GATA4: variants seen among roughly 807,000 people sequenced by gnomAD.
GATA4 encodes the protein transcription factor GATA-4.
A neutral mutation model predicts 37.9 loss-of-function variants in GATA4; 7 were observed. That is an observed-to-expected ratio of 0.18 (90% CI 0.11 to 0.35). The LOEUF (loss-of-function observed/expected upper bound fraction) is 0.35, where lower values mean the gene tolerates loss of function less well. Ranked by LOEUF, GATA4 falls within the 10% of genes least tolerant of loss-of-function variation. The pLI, the probability that GATA4 is intolerant of heterozygous loss-of-function variation, is 1.00. For missense variants in GATA4, 647 were observed against 653.0 expected (o/e 0.99, Z 0.10); for synonymous variants, 372 against 292.6 (o/e 1.27, Z -2.77).
intron 1 of GATA4, chr8:11,697,824 G>A (rs1330387007): frequency 4.1e-6 from 4 of 985,360 alleles, no homozygotes; most frequent in African/African-American, 1.7e-5. Flanking sequence ...GGCCGGTGGG[G>A]CGTTCCGGCC....
chr8:11,725,253 G>A (rs1052667982), intron 2 of GATA4, among the ~76,000 whole-genome samples: 1 of 152,256 alleles, frequency 6.6e-6, no homozygotes, highest in African/African-American at 2.4e-5. Context: ...TTAGATCCAT[G>A]TTTTCCCAAT....
chr8:11,721,763 C>T (rs1005219334), intron 2 of GATA4, among the ~76,000 whole-genome samples: 41 of 152,198 alleles, frequency 2.7e-4, no homozygotes, highest in African/African-American at 9.4e-4. Flanking sequence ...GTAATTCTGC[C>T]CTCTTCTTGT....
At chr8:11,735,543 T>C (rs1801410648) in intron 2 of GATA4, among the ~76,000 whole-genome samples, 1 of 151,670 alleles carries the variant, frequency 6.6e-6, no homozygotes, top group South Asian at 2.1e-4. Context: ...TGGAGACTTT[T>C]TGTTTGTTTG....
chr8:11,737,367 G>A lies in GATA4; in HGVS notation c.617-11549G>A, dbSNP rs554065993. Among the ~76,000 whole-genome samples, 3 of 152,328 alleles carry A rather than the reference G, an allele frequency of 2.0e-5. No individual in the cohort carries two copies. In the South Asian group the frequency reaches 6.2e-4, roughly 32 times the overall value. On this transcript the variant is annotated intron_variant, in intron 2 of 6. Transcript: ENST00000532059. ...CTCCTGACGGCAGGCCATGGGCCTG[G>A]AAGGAAAAGCCTCTCCCTGCAGACC...
chr8:11,713,609 G>C (rs1800297816), intron 2 of GATA4, among the ~76,000 whole-genome samples: 1 of 150,146 alleles, frequency 6.7e-6, no homozygotes, highest in African/African-American at 2.5e-5. Flanking sequence ...GCAAGATGGA[G>C]TATGACTGTG....
intron 1 of GATA4, 137 bp downstream of exon 1, chr8:11,704,441 T>G (rs892602184): frequency 6.6e-6 from 1 of 152,236 alleles, no homozygotes; most frequent in African/African-American, 2.4e-5. Flanking sequence ...TTCACCGAAA[T>G]TGCCCAACCC....
intron 2 of GATA4, among the ~76,000 whole-genome samples, chr8:11,746,447 G>T (rs1193796111): frequency 6.6e-6 from 1 of 152,118 alleles, no homozygotes; most frequent in African/African-American, 2.4e-5. Context: ...ATCTTACAAG[G>T]CCTCTATGTC....
chr8:11,729,031 G>C (rs771226830), intron 2 of GATA4, among the ~76,000 whole-genome samples: 1 of 152,016 alleles, frequency 6.6e-6, no homozygotes, highest in African/African-American at 2.4e-5. Context: ...TCAGGAATTC[G>C]AGACCAGCCG....
At chr8:11,754,228 C>T (rs551164731) in intron 4 of GATA4, among the ~76,000 whole-genome samples, 2 of 152,266 alleles carry the variant, frequency 1.3e-5, no homozygotes, top group South Asian at 2.1e-4. Flanking sequence ...CACCCTCACA[C>T]CTTTTGAAGA....
intron 2 of GATA4, among the ~76,000 whole-genome samples, chr8:11,728,368 T>A (rs552836845): frequency 1.3e-5 from 2 of 152,326 alleles, no homozygotes; most frequent in South Asian, 4.1e-4. Context: ...TTTTTTGTTT[T>A]ATTTTTGGTT....
chr8:11,703,902 G>A (rs1391560196), upstream of GATA4, among the ~76,000 whole-genome samples: 4 of 152,242 alleles, frequency 2.6e-5, no homozygotes, highest in South Asian at 8.3e-4. Flanking sequence ...GGGGGGCGGG[G>A]AGGGAGAAAG....
At chr8:11,711,155 A>C (rs1291888499) in intron 2 of GATA4, among the ~76,000 whole-genome samples, 1 of 152,214 alleles carries the variant, frequency 6.6e-6, no homozygotes, top group African/African-American at 2.4e-5. Context: ...CAGTATTCAG[A>C]TTTTGAAATG....
rs929780521 is a variant in GATA4, at chr8:11,680,686, C to T, written c.-274+3623C>T. ...CGCCCTTTGCGTCAGAGACCCCCCC[C>T]TTGGGGAGACCGGAATCCTCCAGCC... On this transcript the variant is annotated intron_variant, in intron 1 of 6. Transcript: ENST00000528712. The T allele has an allele frequency of 1.9e-4, 185 of 985,216 alleles. 1 individual carries two copies. Among genetic ancestry groups the T allele is most frequent in the Non-Finnish European group, 2.1e-4 (175 of 829,902 alleles). 61.0% of individuals were successfully genotyped at this position (985,216 alleles called of 1,614,324 possible). A position where few individuals can be genotyped will look rare whatever the true frequency, so the allele number is the denominator to read the frequency against.
chr8:11,720,834 C>T (rs562580925), intron 2 of GATA4, among the ~76,000 whole-genome samples: 1 of 151,882 alleles, frequency 6.6e-6, no homozygotes, highest in East Asian at 1.9e-4. Context: ...CTCAGGTGCT[C>T]TGAGTTTCCT....
intron 2 of GATA4, among the ~76,000 whole-genome samples, chr8:11,713,941 A>C (rs904773854): frequency 5.9e-5 from 9 of 152,192 alleles, no homozygotes; most frequent in Non-Finnish European, 1.2e-4. Flanking sequence ...GTGTATCTCC[A>C]TATGGCAAAA....
At chr8:11,743,007 G>A (rs1229444308) in intron 2 of GATA4, among the ~76,000 whole-genome samples, 2 of 152,218 alleles carry the variant, frequency 1.3e-5, no homozygotes, top group Non-Finnish European at 2.9e-5. Flanking sequence ...AGCCTTCTGT[G>A]TTGTATCTCC....
intron 1 of GATA4, chr8:11,697,943 T>C: frequency 1.0e-6 from 1 of 985,458 alleles, no homozygotes; most frequent in Non-Finnish European, 1.2e-6. Context: ...CGTTGAGGTC[T>C]TGGGCCTGGC....
rs571672195 is a variant in GATA4 at position 11,731,225 on chromosome 8, T to C, written c.617-17691T>C. ...CAAAACCACAGTGATCCACATTTGATTGATGTATTTTGAGTTTACATTTAT... is the reference window on the plus strand; with the variant it reads ...CAAAACCACAGTGATCCACATTTGACTGATGTATTTTGAGTTTACATTTAT... On this transcript the variant is annotated intron_variant, in intron 2 of 6. Transcript: ENST00000532059. Among the ~76,000 whole-genome samples the C allele has an allele frequency of 3.3e-5, 5 of 152,356 alleles. No individual in the cohort carries two copies. The South Asian group carries it at 6.2e-4, about 19-fold the overall frequency.
chr8:11,686,795 C>T (rs189926249), intron 1 of GATA4, among the ~76,000 whole-genome samples: 61 of 152,186 alleles, frequency 4.0e-4, no homozygotes, highest in African/African-American at 1.3e-3. Flanking sequence ...GTCAGGAGTT[C>T]GAGACCAGCC....
Sources: gnomAD v4.1 joint callset for allele counts (sites outside exome capture counted in the v4.1 genomes callset) on GRCh38, gnomAD v4.1.1 for gene constraint, MANE v1.5 for transcripts, NCBI Gene and HGNC (gene_info 2026-07-23, HGNC 2026-07-21) for gene names.